The following LRFN5 variants were observed in gnomAD, a reference collection of about 807,000 sequenced individuals.
LRFN5 encodes the protein leucine-rich repeat and fibronectin type-III domain-containing protein 5.
LRFN5 carries 24 observed loss-of-function variants against 45.6 expected under a neutral mutation model. The ratio of observed to expected loss-of-function variants is 0.53; its 90% CI spans 0.38 to 0.74. The LOEUF is 0.74. Ranked by LOEUF, LRFN5 falls within the 30% of genes least tolerant of loss-of-function variation. The pLI is 0.00. For synonymous variants in LRFN5, 340 were observed against 313.8 expected (o/e 1.08, Z -0.88); for missense variants, 776 against 861.5 (o/e 0.90, Z 1.24).
rs574236015 is a variant in LRFN5, at chr14:41,641,337, A to G, written c.-197+32775A>G. ...TGGATTTCGTAAAATGGATGAAAGA[A>G]GTGAATTCATCTTTCTCTTTCACCA... On this transcript the variant is annotated intron_variant, in intron 1 of 5. Coordinates refer to ENST00000298119, the MANE Select transcript of LRFN5 (RefSeq NM_152447.5). Among the ~76,000 whole-genome samples, 26 of 152,256 alleles carry G rather than the reference A, an allele frequency of 1.7e-4. No homozygotes were observed. The South Asian group carries it at 5.4e-3, about 32-fold the overall frequency.
chr14:41,785,693 A>G (rs527611164), intron 2 of LRFN5, among the ~76,000 whole-genome samples: 1 of 152,232 alleles, frequency 6.6e-6, no homozygotes. Context: ...AACTCACCAT[A>G]ATGTAGAATC....
intron 1 of LRFN5, among the ~76,000 whole-genome samples, chr14:41,685,170 GA>G (rs1357442883): frequency 6.6e-6 from 1 of 152,118 alleles, no homozygotes. Flanking sequence ...GATGTAGAGA[GA>G]AGGGAACCCT....
chr14:41,650,215 G>A (rs995610037), intron 1 of LRFN5, among the ~76,000 whole-genome samples: 2 of 127,354 alleles, frequency 1.6e-5, no homozygotes, highest in African/African-American at 5.9e-5. Flanking sequence ...CCAACATAGT[G>A]AAACCCTGTA....
intron 2 of LRFN5, among the ~76,000 whole-genome samples, chr14:41,861,647 G>A (rs1454003001): frequency 6.6e-6 from 1 of 152,048 alleles, no homozygotes; most frequent in African/African-American, 2.4e-5. Flanking sequence ...CATAGTAGTA[G>A]TGATCAGCAA....
At chr14:41,679,183 A>G (rs1881774724) in intron 1 of LRFN5, among the ~76,000 whole-genome samples, 1 of 152,216 alleles carries the variant, frequency 6.6e-6, no homozygotes, top group African/African-American at 2.4e-5. Context: ...CTAGGCCACA[A>G]GGACTGCAAT....
chr14:41,745,835 G>C (rs1271088883), intron 1 of LRFN5, among the ~76,000 whole-genome samples: 1 of 151,930 alleles, frequency 6.6e-6, no homozygotes, highest in Non-Finnish European at 1.5e-5. Context: ...TCGAATATCT[G>C]AATAGCACTG....
intron 2 of LRFN5, among the ~76,000 whole-genome samples, chr14:41,834,602 T>C (rs531237609): frequency 1.4e-3 from 214 of 152,340 alleles, no homozygotes; most frequent in Non-Finnish European, 2.7e-3. Context: ...TTGATAATCA[T>C]GTTAAATATT....
chr14:41,669,172 A>G (rs1161394794), intron 1 of LRFN5, among the ~76,000 whole-genome samples: 1 of 152,070 alleles, frequency 6.6e-6, no homozygotes, highest in South Asian at 2.1e-4. Flanking sequence ...TAAAACATTT[A>G]TATGTAAAAT....
At chr14:41,842,471 A>G (rs1382189906) in intron 2 of LRFN5, among the ~76,000 whole-genome samples, 4 of 152,112 alleles carry the variant, frequency 2.6e-5, no homozygotes, top group African/African-American at 9.7e-5. Flanking sequence ...GTTGTATATA[A>G]TTTACAACAA....
intron 1 of LRFN5, among the ~76,000 whole-genome samples, chr14:41,741,962 T>C (rs1429412154): frequency 1.3e-5 from 2 of 151,634 alleles, no homozygotes; most frequent in Non-Finnish European, 2.9e-5. Context: ...GAAACCACAA[T>C]GAGATATCAC....
chr14:41,789,859 G>A (rs1425867076), intron 2 of LRFN5, among the ~76,000 whole-genome samples: 4 of 151,684 alleles, frequency 2.6e-5, no homozygotes, highest in Non-Finnish European at 5.9e-5. Context: ...TTTTTTGACT[G>A]GTTTCGTAAT....
intron 2 of LRFN5, among the ~76,000 whole-genome samples, chr14:41,878,567 C>T (rs1185098236): frequency 6.6e-6 from 1 of 152,062 alleles, no homozygotes. Context: ...GTAATAGACT[C>T]TTCTTTGAAC....
At chr14:41,896,352 T>C (rs1465175916) in intron 4 of LRFN5, among the ~76,000 whole-genome samples, 1 of 152,210 alleles carries the variant, frequency 6.6e-6, no homozygotes, top group African/African-American at 2.4e-5. Flanking sequence ...GAATGAAGAC[T>C]ATCTACGATC....
intron 1 of LRFN5, among the ~76,000 whole-genome samples, chr14:41,610,788 C>G (rs1190050317): frequency 7.8e-6 from 1 of 128,652 alleles, no homozygotes; most frequent in Non-Finnish European, 1.7e-5. Flanking sequence ...TTTTTTTTGT[C>G]TTTTAATGAA....
chr14:41,863,099 T>C (rs1244882508), intron 2 of LRFN5, among the ~76,000 whole-genome samples: 2 of 151,958 alleles, frequency 1.3e-5, no homozygotes, highest in Non-Finnish European at 2.9e-5. Flanking sequence ...CTCCTGACCT[T>C]GTGATCCGCC....
chr14:41,624,402 T>C (rs2138565120), intron 1 of LRFN5, among the ~76,000 whole-genome samples: 1 of 152,236 alleles, frequency 6.6e-6, no homozygotes, highest in South Asian at 2.1e-4. Flanking sequence ...ATTATATCAT[T>C]TGTTGCCTCT....
At chr14:41,795,465 G>A (rs578044372) in intron 2 of LRFN5, among the ~76,000 whole-genome samples, 1 of 152,200 alleles carries the variant, frequency 6.6e-6, no homozygotes, top group East Asian at 1.9e-4. Context: ...CTGCTATAAA[G>A]ACACATGCAC....
At chr14:41,744,106 C>A (rs2138827719) in intron 1 of LRFN5, among the ~76,000 whole-genome samples, 1 of 152,248 alleles carries the variant, frequency 6.6e-6, no homozygotes, top group East Asian at 1.9e-4. Context: ...ATAATCCTAG[C>A]ACTTTGGGAG....
intron 2 of LRFN5, among the ~76,000 whole-genome samples, chr14:41,838,153 T>C (rs1450838019): frequency 6.6e-6 from 1 of 152,198 alleles, no homozygotes; most frequent in Non-Finnish European, 1.5e-5. Flanking sequence ...GGATATGCAC[T>C]ATGTTATTCT....
Sources: allele counts gnomAD v4.1 joint callset (sites outside exome capture counted in the v4.1 genomes callset), GRCh38; gene constraint gnomAD v4.1.1; transcripts MANE v1.5; gene names NCBI Gene and HGNC (gene_info 2026-07-23, HGNC 2026-07-21).